The following F13A1 variants were observed in gnomAD, a reference collection of about 807,000 sequenced individuals.
F13A1 encodes the protein FSF, A subunit.
In F13A1, 47 loss-of-function variants were observed where a neutral mutation model predicts 80.1. That is an observed-to-expected ratio of 0.59 (90% confidence interval 0.46 to 0.75). The LOEUF (loss-of-function observed/expected upper bound fraction) is 0.75. F13A1 is among the 30% of genes least tolerant of loss of function. F13A1 has a pLI of 0.00. For missense variants in F13A1, 817 were observed against 930.4 expected, an observed-to-expected ratio of 0.88 and a Z score of 1.59; for synonymous variants, 349 against 344.9, an observed-to-expected ratio of 1.01 and a Z score of -0.13.
intron 8 of F13A1, among the ~76,000 whole-genome samples, chr6:6,220,563 C>CTGTG (rs1264558992): frequency 6.9e-6 from 1 of 145,900 alleles, no homozygotes; most frequent in Admixed American, 6.8e-5. Flanking sequence ...GTCTGTGTGT[C>CTGTG]TGTCTGTGTG....
intron 10 of F13A1, among the ~76,000 whole-genome samples, chr6:6,193,962 A>G (rs1263664201): frequency 6.6e-6 from 1 of 152,196 alleles, no homozygotes; most frequent in African/African-American, 2.4e-5. Flanking sequence ...GTACGATGAG[A>G]TGAACACTGG....
intron 11 of F13A1, among the ~76,000 whole-genome samples, chr6:6,179,578 G>T (rs113205791): frequency 2.0e-4 from 31 of 152,238 alleles, no homozygotes; most frequent in African/African-American, 7.0e-4. Flanking sequence ...CCTTCTACCC[G>T]CCACATTCAG....
Position 6,144,131 on chromosome 6 carries a change from T to G in F13A1, c.*1488A>C, listed in dbSNP as rs1760234062. On this transcript the variant is annotated 3_prime_UTR_variant, in exon 15 of 15. Transcript: ENST00000264870. ...TAAGCTTCTATTACATTGTAATTAATAATAATATACTAAGTTAAGCCAGTT... is the reference window on the plus strand; with the variant it reads ...TAAGCTTCTATTACATTGTAATTAAGAATAATATACTAAGTTAAGCCAGTT... 1 of 151,888 alleles carries G rather than the reference T, an allele frequency of 6.6e-6. No individual in the cohort carries two copies. Among genetic ancestry groups the G allele is most frequent in the Non-Finnish European group, 1.5e-5 (1 of 68,036 alleles). The allele number at this position is 151,888 out of a possible 1,614,324, so 9.4% of individuals were successfully genotyped here.
At chr6:6,147,946 T>C (rs999352504) in intron 14 of F13A1, among the ~76,000 whole-genome samples, 1 of 152,206 alleles carries the variant, frequency 6.6e-6, no homozygotes, top group Non-Finnish European at 1.5e-5. Flanking sequence ...CATCAGGAGA[T>C]ACCGGCCATT....
At chr6:6,180,963 C>T (rs1760972240) in intron 11 of F13A1, among the ~76,000 whole-genome samples, 1 of 152,152 alleles carries the variant, frequency 6.6e-6, no homozygotes, top group Non-Finnish European at 1.5e-5. Flanking sequence ...AAAATAAATA[C>T]TCCTAAGAAC....
intron 3 of F13A1, among the ~76,000 whole-genome samples, chr6:6,270,273 A>G (rs550942827): frequency 2.6e-5 from 4 of 152,326 alleles, no homozygotes; most frequent in Admixed American, 1.3e-4. Context: ...GCCTAAGAAG[A>G]AAATACCATC....
chr6:6,200,271 A>T (rs1038448489), intron 8 of F13A1, among the ~76,000 whole-genome samples: 20 of 152,274 alleles, frequency 1.3e-4, no homozygotes, highest in African/African-American at 4.8e-4. Flanking sequence ...CTTCTTCCTT[A>T]AGAGTGACTT....
intron 3 of F13A1, among the ~76,000 whole-genome samples, chr6:6,298,075 T>A (rs796175317): frequency 0.03 from 4,407 of 145,468 alleles, 167 homozygotes; most frequent in African/African-American, 0.097. Context: ...AGATTCTTAA[T>A]CCTGAGTTCT....
intron 2 of F13A1, among the ~76,000 whole-genome samples, chr6:6,307,117 A>G (rs1483229980): frequency 2.6e-5 from 4 of 152,192 alleles, no homozygotes; most frequent in Admixed American, 2.0e-4. Flanking sequence ...TGAAGGCTCA[A>G]TGAGATAACG....
intron 3 of F13A1, among the ~76,000 whole-genome samples, chr6:6,303,219 AT>A (rs1425214192): frequency 2.0e-5 from 3 of 152,118 alleles, no homozygotes; most frequent in Non-Finnish European, 2.9e-5. Flanking sequence ...CTTACTTATT[AT>A]TTCTTTGTAT....
In F13A1 at chr6:6,266,771, C is replaced by G. The variant is rs774094090; in HGVS notation, c.358G>C (p.Val120Leu). The G allele has an allele frequency of 1.2e-6, 2 of 1,614,188 alleles. No homozygotes were observed. Among genetic ancestry groups the G allele is most frequent in the Non-Finnish European group, 8.5e-7 (1 of 1,180,036 alleles). ...CTTTGTAACTCTGAGACTATAGGCA[C>G]TGGGATGTAGGTTCCCTTGTTCTCC... ...PQENKGTYIP[V>L]PIVSELQSGK... is the part of the protein sequence containing the mutation. Residue 120 changes from valine to leucine, a missense_variant, in exon 4 of 15, where the codon GTG (valine) becomes CTG (leucine). Physicochemically the swap from Val to Leu is conservative, Grantham distance 32. Coordinates refer to ENST00000264870, the MANE Select transcript of F13A1 (RefSeq NM_000129.4).
At chr6:6,216,371 C>T (rs1372811569) in intron 8 of F13A1, among the ~76,000 whole-genome samples, 3 of 151,042 alleles carry the variant, frequency 2.0e-5, no homozygotes, top group Admixed American at 6.6e-5. Context: ...GAAATAACGC[C>T]GCATATCTAC....
intron 6 of F13A1, among the ~76,000 whole-genome samples, chr6:6,229,532 CA>C (rs1561661945): frequency 2.0e-5 from 3 of 152,218 alleles, no homozygotes; most frequent in Admixed American, 6.5e-5. Flanking sequence ...AAAGATGATA[CA>C]ACATAAGGAT....
rs1760696939 is a variant in F13A1 at position 6,167,460 on chromosome 6, T to C, written c.1906A>G (p.Lys636Glu). ...TVLTIPEIII[K>E]VRGTQVVGSD... ...CAGGATGAGACGCTAAGACTGACCT[T>C]GATGATGATCTCAGGGATGGTTAGC... The change falls in exon 13 of 15, where the codon AAG (lysine) becomes GAG (glutamate). Residue 636 changes from lysine to glutamate, a missense_variant and splice_region_variant. Lys to Glu is a moderately conservative substitution (Grantham distance 56). Coordinates refer to ENST00000264870, the MANE Select transcript of F13A1 (RefSeq NM_000129.4). 6.2e-7 allele frequency: 1 copy of C among 1,613,852 alleles called. No homozygotes were observed. The highest frequency in any genetic ancestry group is 8.5e-7 in the Non-Finnish European group (1 of 1,179,950).
intron 3 of F13A1, among the ~76,000 whole-genome samples, chr6:6,278,981 G>A (rs1351360657): frequency 1.3e-5 from 2 of 152,116 alleles, no homozygotes; most frequent in Admixed American, 1.3e-4. Context: ...TTGCTTGTTG[G>A]TAATGAAAAT....
At chr6:6,236,340 A>G (rs141880780) in intron 6 of F13A1, among the ~76,000 whole-genome samples, 56 of 152,286 alleles carry the variant, frequency 3.7e-4, no homozygotes, top group Non-Finnish European at 6.2e-4. Flanking sequence ...GAAGACTTTT[A>G]AATTAAACCA....
intron 6 of F13A1, among the ~76,000 whole-genome samples, chr6:6,225,976 C>T (rs1290553152): frequency 2.0e-5 from 3 of 152,232 alleles, no homozygotes; most frequent in Non-Finnish European, 2.9e-5. Context: ...TCTTGAATAT[C>T]TGGATAAAAC....
intron 4 of F13A1, among the ~76,000 whole-genome samples, chr6:6,260,094 CAGG>C (rs1757758244): frequency 6.6e-6 from 1 of 152,178 alleles, no homozygotes; most frequent in Non-Finnish European, 1.5e-5. Flanking sequence ...CTCTAACACC[CAGG>C]AGAAGGGTTT....
At chr6:6,164,023 G>A (rs1031561650) in intron 13 of F13A1, among the ~76,000 whole-genome samples, 1 of 152,038 alleles carries the variant, frequency 6.6e-6, no homozygotes, top group Non-Finnish European at 1.5e-5. Flanking sequence ...GGTATGAGAT[G>A]GTATCTCATG....
Sources: allele counts gnomAD v4.1 joint callset (sites outside exome capture counted in the v4.1 genomes callset), GRCh38; gene constraint gnomAD v4.1.1; transcripts MANE v1.5; gene names NCBI Gene and HGNC (gene_info 2026-07-23, HGNC 2026-07-21).